Variants in DIDO1 observed in about 807,000 individuals in gnomAD.
DIDO1 encodes the protein death-inducer obliterator 1.
A neutral mutation model predicts 99.4 loss-of-function variants in DIDO1; 16 were observed. That is an observed-to-expected ratio of 0.16 (90% confidence interval 0.11 to 0.24). DIDO1 has a LOEUF of 0.24. Ranked by LOEUF, DIDO1 falls within the 10% of genes least tolerant of loss-of-function variation. The pLI is 1.00. For synonymous variants in DIDO1, 1,366 were observed against 1,239.1 expected (o/e 1.10, Z -2.15); for missense variants, 2,996 against 3,014.0 (o/e 0.99, Z 0.14).
chr20:62,889,896 C>T (rs927952578), intron 15 of DIDO1: 86 of 985,336 alleles, frequency 8.7e-5, no homozygotes, highest in Non-Finnish European at 9.9e-5. Context: ...ACATATAATT[C>T]CACAACACAG....
chr20:62,936,472 T>A (rs1163397616), intron 1 of DIDO1, among the ~76,000 whole-genome samples: 2 of 151,626 alleles, frequency 1.3e-5, no homozygotes, highest in Non-Finnish European at 1.5e-5. Flanking sequence ...GGAGAATCAC[T>A]TGAACCCAGG....
At position 62,894,773 on chromosome 20, in the gene DIDO1, C is replaced by T. The variant is rs769058368; in HGVS notation, c.2436+37G>A. ...CTCAAAACATTTGGGATGGATTAGT[C>T]TATTCTCGGTGAACACAAAATCTCC... On this transcript the variant is annotated intron_variant, in intron 10 of 15. Transcript: ENST00000395343. The surrounding 1 kb of genome is among the most constrained non-coding windows in gnomAD (Gnocchi z 4.4). 4.4e-6 allele frequency: 7 copies of T among 1,585,316 alleles called. No homozygotes were observed. In the Admixed American group the frequency reaches 1.3e-4, roughly 28 times the overall value.
chr20:62,934,909 T>C (rs2065366875), intron 1 of DIDO1, among the ~76,000 whole-genome samples: 1 of 152,220 alleles, frequency 6.6e-6, no homozygotes, highest in Non-Finnish European at 1.5e-5. Flanking sequence ...ATAGGCAGCT[T>C]CTTCCTTAGT....
chr20:62,917,494 T>C (rs1022552973), intron 1 of DIDO1, among the ~76,000 whole-genome samples: 1 of 152,210 alleles, frequency 6.6e-6, no homozygotes, highest in African/African-American at 2.4e-5. Context: ...ATCACTCGTT[T>C]TGGACAAAAC....
At chr20:62,926,561 C>T (rs1267442983), upstream of DIDO1, 1 of 152,024 alleles carries the variant, frequency 6.6e-6, no homozygotes, top group African/African-American at 2.4e-5. Flanking sequence ...GACCGGCCAC[C>T]GAGACGCTGC....
intron 14 of DIDO1, among the ~76,000 whole-genome samples, chr20:62,891,484 A>C (rs1047432015): frequency 3.3e-5 from 5 of 152,180 alleles, no homozygotes; most frequent in Non-Finnish European, 7.3e-5. Context: ...AAGACTACAG[A>C]GATTCCCCAG....
chr20:62,885,676 T>C (rs1753024902), intron 15 of DIDO1, among the ~76,000 whole-genome samples: 1 of 152,176 alleles, frequency 6.6e-6, no homozygotes, highest in Admixed American at 6.5e-5. Context: ...CCATTTAAAA[T>C]TTAAATTGGG....
At chr20:62,925,592 C>T (rs1276760255) in intron 1 of DIDO1, among the ~76,000 whole-genome samples, 1 of 152,182 alleles carries the variant, frequency 6.6e-6, no homozygotes, top group East Asian at 1.9e-4. Context: ...GCTACTGCTA[C>T]CTGTGGCCCA....
intron 1 of DIDO1, among the ~76,000 whole-genome samples, chr20:62,915,675 T>C (rs2065024974): frequency 6.6e-6 from 1 of 152,074 alleles, no homozygotes; most frequent in African/African-American, 2.4e-5. Context: ...AAAATTCTTT[T>C]AGAGACAGGG....
In DIDO1 at chr20:62,907,191, T is replaced by G; in HGVS notation, c.1330A>C (p.Lys444Gln). ...AGACTGGGCTTCTCTGGCTTCATCTTCATCTTTTCTTTAGGCTTTGGCTTC... is the reference window on the plus strand; with the variant it reads ...AGACTGGGCTTCTCTGGCTTCATCTGCATCTTTTCTTTAGGCTTTGGCTTC... ...EQKPKPKEKM[K>Q]MKPEKPSLPK... is the part of the protein sequence containing the mutation. Residue 444 changes from lysine (K) to glutamine (Q), a missense_variant, in exon 5 of 16, where the codon AAG becomes CAG. Transcript: ENST00000395343. 2 of 1,614,250 alleles carry G rather than the reference T, an allele frequency of 1.2e-6. No homozygotes were observed. The highest frequency in any genetic ancestry group is 1.1e-5 in the South Asian group (1 of 91,092).
chr20:62,929,095 T>C (rs2065296529), upstream of DIDO1: 1 of 152,192 alleles, frequency 6.6e-6, no homozygotes, highest in African/African-American at 2.4e-5. Flanking sequence ...CTTTACTTCG[T>C]TTAAAGCCGG....
Position 62,896,699 on chromosome 20 carries a change from G to A in DIDO1, c.1886C>T (p.Pro629Leu). ...GGCTCCCACCAAAGCAGCGGAGCCA[G>A]GGAACTTCTTGGAGGCAGCCGTTGC... Reference protein sequence around the residue: ...AAATAASKKFPGSAALVGAVR... With the variant: ...AAATAASKKFLGSAALVGAVR... The change falls in exon 7 of 16, where the codon CCT becomes CTT. Residue 629 changes from proline to leucine, a missense_variant. Transcript: ENST00000395343. This position sits in a 1 kb window ranked among gnomAD's most constrained non-coding sequence, Gnocchi z 4.4. 6 of 1,613,946 alleles carry A rather than the reference G, an allele frequency of 3.7e-6. No homozygotes were observed. In the South Asian group the frequency reaches 5.5e-5, roughly 15 times the overall value.
intron 1 of DIDO1, among the ~76,000 whole-genome samples, chr20:62,919,823 G>A (rs1019783762): frequency 1.3e-5 from 2 of 152,200 alleles, no homozygotes; most frequent in African/African-American, 4.8e-5. Context: ...GCAAAACACA[G>A]GCTGGTGACC....
chr20:62,898,671 C>T (rs2064592020), intron 6 of DIDO1, among the ~76,000 whole-genome samples: 3 of 152,234 alleles, frequency 2.0e-5, no homozygotes, highest in Admixed American at 2.0e-4. Flanking sequence ...TCCTTGGCAA[C>T]ACTGCCAAGC....
At chr20:62,906,450 ACCAAATGAG>A (rs1275274339) in intron 5 of DIDO1, among the ~76,000 whole-genome samples, 2 of 152,198 alleles carry the variant, frequency 1.3e-5, no homozygotes, top group Admixed American at 6.5e-5. Flanking sequence ...GCGGCAATGA[ACCAAATGAG>A]CCAAATGAGA....
chr20:62,911,169 G>A lies in DIDO1; in HGVS notation c.444C>T (p.His148=), dbSNP rs766944161. 1.2e-6 allele frequency: 2 copies of A among 1,613,930 alleles called. No homozygotes were observed. Among genetic ancestry groups the A allele is most frequent in the African/African-American group, 1.3e-5 (1 of 74,938 alleles). ...CGCTGTCACTATCGGAGGTGTCATC[G>A]TGGTCATCCCCTCCTTTCACCTTTT... ...SSEKVKGGDD[H]DDTSDSDSDG... is the part of the protein sequence containing the mutation. The change falls in exon 3 of 16, where the codon CAC becomes CAT. Residue 148 remains histidine (H), a synonymous_variant. Coordinates refer to ENST00000395343, the MANE Select transcript of DIDO1 (RefSeq NM_001193369.2). The surrounding 1 kb of genome is among the most constrained non-coding windows in gnomAD (Gnocchi z 7.0).
At chr20:62,937,853 A>G in exon 1 of DIDO1, 1 of 398,410 alleles carries the variant, frequency 2.5e-6, no homozygotes, top group Non-Finnish European at 4.4e-6. Context: ...CCGCGCTCCA[A>G]CGCCTCCGCA....
rs2064797756 is a variant in DIDO1 at position 62,906,099 on chromosome 20, G to A, written c.1376C>T (p.Ala459Val). 1 of 1,604,946 alleles carries A rather than the reference G, an allele frequency of 6.2e-7. No individual in the cohort carries two copies. The highest frequency in any genetic ancestry group is 8.5e-7 in the Non-Finnish European group (1 of 1,175,392). Residue 459 changes from alanine (A) to valine (V), a missense_variant and splice_region_variant, in exon 6 of 16, where the codon GCA becomes GTA. Physicochemically the swap from Ala to Val is moderately conservative, Grantham distance 64 (BLOSUM62 0). Around this residue, in one of 5 missense-constraint regions of DIDO1, gnomAD observed 898 missense variants for 972.7 expected, o/e 0.92. Transcript: ENST00000395343. ...GTGCACAGAAGAGATTTTAATACCT[G>A]CCTGGATAATCAGTAAAACCCCAAA... is the stretch of plus-strand genomic sequence containing the variant. ...KPSLPKCGAQ[A>V]GIKISSVHKR... is the part of the protein sequence containing the mutation.
rs1419048369 is a variant in DIDO1, at chr20:62,879,857, G to A, written c.6099C>T (p.Pro2033=). The part of the protein sequence containing the change: ...PRPLLELPSH[P]PQHRKDRWEE... ...CCCAGCGGTCCTTCCGGTGCTGCGGGGGGTGGCTGGGAAGCTCCAGCAGGG... is the reference window on the plus strand; with the variant it reads ...CCCAGCGGTCCTTCCGGTGCTGCGGAGGGTGGCTGGGAAGCTCCAGCAGGG... The change falls in exon 16 of 16, where the codon CCC becomes CCT. Residue 2033 remains proline, a synonymous_variant. Coordinates refer to ENST00000395343, the MANE Select transcript of DIDO1 (RefSeq NM_001193369.2). The surrounding 1 kb of genome is among the most constrained non-coding windows in gnomAD (Gnocchi z 6.3). 5 of 1,596,882 alleles carry A rather than the reference G, an allele frequency of 3.1e-6. No individual in the cohort carries two copies. The highest frequency in any genetic ancestry group is 4.3e-6 in the Non-Finnish European group (5 of 1,172,658).
Sources: allele counts gnomAD v4.1 joint callset (sites outside exome capture counted in the v4.1 genomes callset), GRCh38; gene constraint gnomAD v4.1.1; regional missense constraint gnomAD v4.1.1; non-coding constraint Gnocchi (gnomAD v3.1); transcripts MANE v1.5; gene names NCBI Gene and HGNC (gene_info 2026-07-23, HGNC 2026-07-21).